Variants in ZNF507 observed in about 807,000 individuals in gnomAD.
The protein encoded by ZNF507 is zinc finger protein 507.
ZNF507 carries 29 observed loss-of-function variants against 80.0 expected under a neutral mutation model. The observed-to-expected ratio is 0.36, with a 90% CI of 0.27 to 0.49. The LOEUF (loss-of-function observed/expected upper bound fraction) is 0.49, where lower values mean the gene tolerates loss of function less well. Among genes scored for constraint, ZNF507 ranks in the 20% least tolerant of loss-of-function variants. The pLI is 0.98. For missense variants in ZNF507, 1,081 were observed against 1,152.2 expected (o/e 0.94, Z 0.90); for synonymous variants, 462 against 422.5 (o/e 1.09, Z -1.15).
chr19:32,360,345 C>T (rs1300846330), intron 4 of ZNF507, among the ~76,000 whole-genome samples, 159 bp from the exon 5 acceptor site: 1 of 152,116 alleles, frequency 6.6e-6, no homozygotes, highest in East Asian at 1.9e-4. Flanking sequence ...TGCAGGAAAA[C>T]CTATAAAACC....
chr19:32,357,820 A>G (rs916617473), intron 4 of ZNF507: 3 of 152,238 alleles, frequency 2.0e-5, no homozygotes, highest in African/African-American at 2.4e-5. Context: ...TGATTGGACC[A>G]TAAATCCCTA....
rs1479198901 is a variant in ZNF507 at position 32,348,207 on chromosome 19, CCTT to C, written c.-3+873_-3+875del. 3.3e-5 allele frequency among the ~76,000 whole-genome samples: 5 copies of C among 152,094 alleles called. No homozygotes were observed. The East Asian group carries it at 9.6e-4, about 29-fold the overall frequency. On this transcript the variant is annotated intron_variant, in intron 2 of 6. Coordinates refer to ENST00000355898, the MANE Select transcript of ZNF507 (RefSeq NM_001136156.2). ...GGGACCCTTGAGCTTATGTCCCCTG[CCTT>C]CTTTTGGCTGGAGCAAAATAAATTT...
rs375633709 is a variant in ZNF507 at position 32,386,091 on chromosome 19, G to A, written c.*3008G>A. The stretch of plus-strand genomic sequence containing the variant: ...TTTCTCTAATCATCCAGAATATGGC[G>A]GGTGTCCCAGTGTTCAACAGTATCA... On this transcript the variant is annotated 3_prime_UTR_variant, in exon 7 of 7. Transcript: ENST00000355898. 9.2e-5 allele frequency: 14 copies of A among 152,230 alleles called. No individual in the cohort carries two copies. Among genetic ancestry groups the A allele is most frequent in the African/African-American group, 2.9e-4 (12 of 41,548 alleles). The allele number at this position is 152,230 out of a possible 1,614,324, so 9.4% of individuals were successfully genotyped here.
intron 2 of ZNF507, among the ~76,000 whole-genome samples, chr19:32,349,513 T>C (rs567206983): frequency 6.6e-6 from 1 of 152,386 alleles, no homozygotes; most frequent in East Asian, 1.9e-4. Flanking sequence ...GTTGTTTAAA[T>C]GCTGTTACTT....
chr19:32,370,317 C>T (rs1226703509), intron 5 of ZNF507, among the ~76,000 whole-genome samples: 1 of 152,190 alleles, frequency 6.6e-6, no homozygotes, highest in Non-Finnish European at 1.5e-5. Context: ...TAGGAACCTC[C>T]ATACTATTTT....
chr19:32,363,221 T>C (rs1024708844), intron 5 of ZNF507, among the ~76,000 whole-genome samples: 44 of 152,328 alleles, frequency 2.9e-4, no homozygotes, highest in African/African-American at 1.1e-3. Context: ...TCATGCCATA[T>C]CCTATGCATT....
intron 5 of ZNF507, among the ~76,000 whole-genome samples, chr19:32,376,079 A>C (rs766598066): frequency 6.6e-6 from 1 of 152,230 alleles, no homozygotes; most frequent in Non-Finnish European, 1.5e-5. Flanking sequence ...ATTCCATCCA[A>C]TGTGAAATGC....
chr19:32,359,625 A>G (rs979851303), intron 4 of ZNF507: 4 of 152,182 alleles, frequency 2.6e-5, no homozygotes, highest in Non-Finnish European at 5.9e-5. Flanking sequence ...AGCTTACCCC[A>G]ACTTGAATTA....
At chr19:32,377,570 G>A (rs368037358) in intron 5 of ZNF507, among the ~76,000 whole-genome samples, 4 of 152,034 alleles carry the variant, frequency 2.6e-5, no homozygotes, top group Admixed American at 6.5e-5. Context: ...GGAACAGCTC[G>A]TGCCCTCGGT....
In ZNF507 at chr19:32,384,627, C is replaced by T. The variant is rs955639256; in HGVS notation, c.*1544C>T. 2.0e-5 allele frequency: 3 copies of T among 151,996 alleles called. No homozygotes were observed. The highest frequency in any genetic ancestry group is 4.4e-5 in the Non-Finnish European group (3 of 68,010). 9.4% of individuals were successfully genotyped at this position (151,996 alleles called of 1,614,324 possible). ...TAAGAAGTATTCTGTTCCTAAAGTC[C>T]AGGTATGATTGGATTAATATTTATA... On this transcript the variant is annotated 3_prime_UTR_variant, in exon 7 of 7. Transcript: ENST00000355898.
At chr19:32,374,480 T>TG (rs1374134907) in intron 5 of ZNF507, among the ~76,000 whole-genome samples, 1 of 151,070 alleles carries the variant, frequency 6.6e-6, no homozygotes, top group African/African-American at 2.4e-5. Context: ...CTTTCTTTTT[T>TG]TTTTTTTTCT....
chr19:32,368,864 T>A (rs1967433651), intron 5 of ZNF507, among the ~76,000 whole-genome samples: 1 of 152,242 alleles, frequency 6.6e-6, no homozygotes, highest in South Asian at 2.1e-4. Context: ...AATCGTTGTT[T>A]ATGTGTTCAA....
At position 32,383,231 on chromosome 19, in the gene ZNF507, T is replaced by G. The variant is rs529466393; in HGVS notation, c.*148T>G. On this transcript the variant is annotated 3_prime_UTR_variant, in exon 7 of 7. Coordinates refer to ENST00000355898, the MANE Select transcript of ZNF507 (RefSeq NM_001136156.2). ...ACAGATGTGACTTTGGAACCAAACT[T>G]GTAATAAAAGGAATTCCAAATGGAC... 25 of 1,055,966 alleles carry G rather than the reference T, an allele frequency of 2.4e-5. No homozygotes were observed. The East Asian group carries it at 6.5e-4, about 27-fold the overall frequency. 65.4% of individuals were successfully genotyped at this position (1,055,966 alleles called of 1,614,324 possible).
At position 32,356,689 on chromosome 19, in the gene ZNF507, C is replaced by G; in HGVS notation, c.2201C>G (p.Pro734Arg). The G allele has an allele frequency of 1.9e-6, 3 of 1,614,016 alleles. No homozygotes were observed. The highest frequency in any genetic ancestry group is 2.5e-6 in the Non-Finnish European group (3 of 1,179,990). The change falls in exon 4 of 7, where the codon CCA becomes CGA. Residue 734 changes from proline to arginine, a missense_variant. By Grantham distance (103) the Pro-to-Arg change is moderately radical (BLOSUM62 -2). Transcript: ENST00000355898. ...DTLSIATSNE[P>R]RISSDTADGK... is the part of the protein sequence containing the mutation. ...TTGTCAATAGCAACTTCTAATGAGCCAAGAATTTCCAGTGATACAGCTGAT... is the reference window on the plus strand; with the variant it reads ...TTGTCAATAGCAACTTCTAATGAGCGAAGAATTTCCAGTGATACAGCTGAT...
rs1967655361 is a variant in ZNF507, at chr19:32,383,860, T to C, written c.*777T>C. 6.6e-6 allele frequency: 1 copy of C among 152,230 alleles called. No homozygotes were observed. The allele number at this position is 152,230 out of a possible 1,614,324, so 9.4% of individuals were successfully genotyped here. On this transcript the variant is annotated 3_prime_UTR_variant, in exon 7 of 7. Transcript: ENST00000355898. The stretch of plus-strand genomic sequence containing the variant: ...GTCTTCCGTGTTCTCAGAGGTTCTT[T>C]TCAGTGTCTGTCAGAACTTGGCATA...
intron 5 of ZNF507, among the ~76,000 whole-genome samples, chr19:32,374,394 T>C (rs1382938317): frequency 6.6e-6 from 1 of 152,172 alleles, no homozygotes; most frequent in Non-Finnish European, 1.5e-5. Context: ...TTTAATTTTC[T>C]ATTGGATTGT....
rs1967654114 is a variant in ZNF507, at chr19:32,383,769, A to G, written c.*686A>G. ...AATTTACGATGAATTTCTTGTGAGC[A>G]GAGGACGAAACAGGTGAATTCTCAC... On this transcript the variant is annotated 3_prime_UTR_variant, in exon 7 of 7. Coordinates refer to ENST00000355898, the MANE Select transcript of ZNF507 (RefSeq NM_001136156.2). 1 of 152,252 alleles carries G rather than the reference A, an allele frequency of 6.6e-6. No homozygotes were observed. Among genetic ancestry groups the G allele is most frequent in the South Asian group, 2.1e-4 (1 of 4,836 alleles). The allele number at this position is 152,252 out of a possible 1,614,324, so 9.4% of individuals were successfully genotyped here.
chr19:32,366,932 T>C lies in ZNF507; in HGVS notation c.2360+6314T>C, dbSNP rs973719159. 7.2e-5 allele frequency among the ~76,000 whole-genome samples: 11 copies of C among 152,250 alleles called. No homozygotes were observed. The East Asian group carries it at 2.1e-3, about 29-fold the overall frequency. ...GCATTTCCCTGATAATTTCTGAGTT[T>C]GAGCATCTTTTCATTTGTTTATGGG... On this transcript the variant is annotated intron_variant, in intron 5 of 6. Coordinates refer to ENST00000355898, the MANE Select transcript of ZNF507 (RefSeq NM_001136156.2).
At chr19:32,370,444 A>G (rs1253309893) in intron 5 of ZNF507, among the ~76,000 whole-genome samples, 1 of 152,212 alleles carries the variant, frequency 6.6e-6, no homozygotes, top group Non-Finnish European at 1.5e-5. Context: ...CTAACAGGTT[A>G]TCATTTCCTA....
Sources: gnomAD v4.1 joint callset for allele counts (sites outside exome capture counted in the v4.1 genomes callset) on GRCh38, gnomAD v4.1.1 for gene constraint, MANE v1.5 for transcripts, NCBI Gene and HGNC (gene_info 2026-07-23, HGNC 2026-07-21) for gene names.